TOPAZ1: variants seen among roughly 807,000 people sequenced by gnomAD.
The protein encoded by TOPAZ1 is protein TOPAZ1.
Under a neutral mutation model 172.2 loss-of-function variants are expected in TOPAZ1, and 66 were observed. That is an observed-to-expected ratio of 0.38 (90% CI 0.31 to 0.47). TOPAZ1 has a LOEUF of 0.47. Ranked by LOEUF, TOPAZ1 falls within the 20% of genes least tolerant of loss-of-function variation. The pLI, the probability that TOPAZ1 is intolerant of heterozygous loss-of-function variation, is 0.99. For missense variants in TOPAZ1, 1,822 were observed against 1,972.4 expected (o/e 0.92, Z 1.44); for synonymous variants, 681 against 683.9 (o/e 1.00, Z 0.07).
chr3:44,311,241 A>G (rs1005909354), intron 16 of TOPAZ1, among the ~76,000 whole-genome samples: 2 of 152,204 alleles, frequency 1.3e-5, no homozygotes, highest in African/African-American at 4.8e-5. Flanking sequence ...GCTTCATTCA[A>G]AAGCTCGTTT....
chr3:44,306,496 A>C, intron 15 of TOPAZ1, 70 bp downstream of exon 15: 1 of 871,720 alleles, frequency 1.1e-6, no homozygotes, highest in South Asian at 2.0e-5. Flanking sequence ...ACAGAATATA[A>C]GTTAACCCTG....
At chr3:44,304,185 G>A (rs1031025927) in intron 13 of TOPAZ1, 104 bp downstream of exon 13, 2 of 650,152 alleles carry the variant, frequency 3.1e-6, no homozygotes, top group African/African-American at 1.9e-5. Context: ...TTTTAGAAAT[G>A]TGGCTGTTAT....
Position 44,244,658 on chromosome 3 carries a change from C to G in TOPAZ1, c.2152C>G (p.Leu718Val), listed in dbSNP as rs1264358518. The change falls in exon 2 of 20, where the codon CTG becomes GTG. Residue 718 changes from leucine to valine, a missense_variant. This residue lies in a region of TOPAZ1 where 1,489 missense variants were observed against 1,490.8 expected (regional missense o/e 1.00). Coordinates refer to ENST00000309765, the MANE Select transcript of TOPAZ1 (RefSeq NM_001145030.2). ...AGAAGCTTACAGTCCTCTAGAACTT[C>G]TGGACAATTTATCTGGAGCAGACGT... Reference protein sequence around the residue: ...EREAYSPLELLDNLSGADVRQ... With the variant: ...EREAYSPLELVDNLSGADVRQ... 2 of 1,551,330 alleles carry G rather than the reference C, an allele frequency of 1.3e-6. No homozygotes were observed. The highest frequency in any genetic ancestry group is 2.7e-5 in the African/African-American group (2 of 73,132).
chr3:44,323,260 G>T lies in TOPAZ1; in HGVS notation c.4640G>T (p.Ser1547Ile), dbSNP rs1700561098. Residue 1547 changes from serine (S) to isoleucine (I), a missense_variant, in exon 18 of 20, where the codon AGT becomes ATT. By Grantham distance (142) the Ser-to-Ile change is moderately radical (BLOSUM62 -2). This residue lies in a region of TOPAZ1 where 333 missense variants were observed against 481.7 expected (regional missense o/e 0.69). Transcript: ENST00000309765. Reference protein sequence around the residue: ...LRRLITSLGRSRLWLKARAHY... With the variant: ...LRRLITSLGRIRLWLKARAHY... ...AGATTAATTACTTCTTTAGGAAGGA[G>T]TCGTTTATGGCTCAAAGCCAGAGCC... The T allele has an allele frequency of 6.5e-7, 1 of 1,549,702 alleles. No homozygotes were observed. The highest frequency in any genetic ancestry group is 1.4e-5 in the African/African-American group (1 of 73,022).
chr3:44,269,413 T>TA (rs897109326), intron 7 of TOPAZ1, 112 bp downstream of exon 7: 19 of 457,038 alleles, frequency 4.2e-5, no homozygotes, highest in African/African-American at 3.9e-4. Context: ...ATCCTCCCCT[T>TA]AAAAAAATAA....
At chr3:44,282,516 A>C (rs901331217) in intron 9 of TOPAZ1, among the ~76,000 whole-genome samples, 1 of 152,102 alleles carries the variant, frequency 6.6e-6, no homozygotes, top group Non-Finnish European at 1.5e-5. Context: ...CCATTTCCTC[A>C]TGGCAAAGGA....
chr3:44,271,263 T>C (rs1361069025), intron 8 of TOPAZ1, among the ~76,000 whole-genome samples: 1 of 152,212 alleles, frequency 6.6e-6, no homozygotes, highest in Non-Finnish European at 1.5e-5. Flanking sequence ...AATTACACTC[T>C]TACCAGCAAT....
At chr3:44,324,017 G>A (rs531949385) in intron 18 of TOPAZ1, among the ~76,000 whole-genome samples, 52 of 152,196 alleles carry the variant, frequency 3.4e-4, no homozygotes, top group Middle Eastern at 6.8e-3. Context: ...GTGTCACCCC[G>A]TACCAAATGT....
intron 4 of TOPAZ1, among the ~76,000 whole-genome samples, chr3:44,259,332 G>A (rs536642134): frequency 1.3e-5 from 2 of 152,074 alleles, no homozygotes; most frequent in Admixed American, 6.6e-5. Context: ...GTTATCTGCA[G>A]AAGAGTTACC....
At chr3:44,258,324 T>G (rs187201221) in intron 4 of TOPAZ1, among the ~76,000 whole-genome samples, 281 of 152,286 alleles carry the variant, frequency 1.8e-3, no homozygotes, top group African/African-American at 6.5e-3. Flanking sequence ...TGTAATATAT[T>G]GCAAAACCAT....
intron 8 of TOPAZ1, among the ~76,000 whole-genome samples, chr3:44,274,168 G>T (rs1007145954): frequency 6.9e-6 from 1 of 145,604 alleles, no homozygotes; most frequent in African/African-American, 2.6e-5. Flanking sequence ...CCAGCACTTT[G>T]GGAGGGTGAG....
chr3:44,312,536 C>T (rs576103124), intron 16 of TOPAZ1, among the ~76,000 whole-genome samples: 6 of 152,254 alleles, frequency 3.9e-5, no homozygotes, highest in African/African-American at 1.2e-4. Context: ...TGCGGAATAT[C>T]TCACACATTT....
At chr3:44,269,605 ACCTTTTGGTTG>A in intron 7 of TOPAZ1, among the ~76,000 whole-genome samples, 1 of 141,818 alleles carries the variant, frequency 7.1e-6, no homozygotes, top group East Asian at 2.1e-4. Context: ...AATACTTTGG[ACCTTTTGGTTG>A]TATTTCCCTA....
At chr3:44,321,294 A>G (rs11708111) in intron 17 of TOPAZ1, 103 bp downstream of exon 17, 11,899 of 794,290 alleles carry the variant, frequency 0.015, 116 homozygotes, top group Non-Finnish European at 0.019. Flanking sequence ...TTTATATTCC[A>G]GCATATTTTT....
intron 8 of TOPAZ1, among the ~76,000 whole-genome samples, chr3:44,280,340 T>C (rs1444174561): frequency 6.6e-6 from 1 of 151,460 alleles, no homozygotes; most frequent in East Asian, 1.9e-4. Flanking sequence ...TTCTTTCTTT[T>C]CTTTTCTTTT....
intron 8 of TOPAZ1, among the ~76,000 whole-genome samples, chr3:44,281,548 T>G (rs1180539202): frequency 6.6e-6 from 1 of 152,224 alleles, no homozygotes; most frequent in Non-Finnish European, 1.5e-5. Context: ...CTAGAATTGA[T>G]TTTTGTTTAT....
intron 12 of TOPAZ1, among the ~76,000 whole-genome samples, chr3:44,294,272 G>A (rs74703239): frequency 0.013 from 1,989 of 151,912 alleles, 50 homozygotes; most frequent in African/African-American, 0.045. Context: ...ATCAAACGAC[G>A]CATGACTGTA....
chr3:44,299,296 T>G (rs1700241498), intron 12 of TOPAZ1, among the ~76,000 whole-genome samples: 1 of 152,038 alleles, frequency 6.6e-6, no homozygotes, highest in African/African-American at 2.4e-5. Flanking sequence ...GAGCTGGACA[T>G]GAACAGACAC....
chr3:44,284,811 T>A (rs1345333634), intron 9 of TOPAZ1, among the ~76,000 whole-genome samples: 1 of 152,230 alleles, frequency 6.6e-6, no homozygotes, highest in African/African-American at 2.4e-5. Context: ...GTCTTTTCTT[T>A]TAAATCAGAT....
Sources: allele counts gnomAD v4.1 joint callset (sites outside exome capture counted in the v4.1 genomes callset), GRCh38; gene constraint gnomAD v4.1.1; regional missense constraint gnomAD v4.1.1; transcripts MANE v1.5; gene names NCBI Gene and HGNC (gene_info 2026-07-23, HGNC 2026-07-21).